The following IQGAP2 variants were observed in gnomAD, a reference collection of about 807,000 sequenced individuals.
IQGAP2 encodes the protein ras GTPase-activating-like protein IQGAP2.
A neutral mutation model predicts 201.3 loss-of-function variants in IQGAP2; 173 were observed. The ratio of observed to expected loss-of-function variants is 0.86; its 90% CI spans 0.76 to 0.98. The LOEUF is 0.98. Ranked by LOEUF, IQGAP2 falls within the 50% of genes least tolerant of loss-of-function variation. The probability of loss-of-function intolerance (pLI) is 0.00; values close to 1 mark genes in which losing one functional copy is unlikely to be tolerated. For missense variants in IQGAP2, 1,687 were observed against 1,864.8 expected, an observed-to-expected ratio of 0.90 and a Z score of 1.76; for synonymous variants, 675 against 673.9, an observed-to-expected ratio of 1.00 and a Z score of -0.03.
chr5:76,558,106 G>C (rs898997444), intron 2 of IQGAP2, among the ~76,000 whole-genome samples: 1 of 152,076 alleles, frequency 6.6e-6, no homozygotes, highest in Non-Finnish European at 1.5e-5. Context: ...TGCCCGGCCT[G>C]GTATCAGTGT....
intron 33 of IQGAP2, among the ~76,000 whole-genome samples, chr5:76,698,379 A>G (rs554828411): frequency 6.6e-6 from 1 of 152,362 alleles, no homozygotes; most frequent in East Asian, 1.9e-4. Context: ...TACCTGTTGT[A>G]TATTGAGCAA....
chr5:76,686,703 G>GT (rs1561593320), intron 30 of IQGAP2, among the ~76,000 whole-genome samples: 1 of 152,074 alleles, frequency 6.6e-6, no homozygotes, highest in African/African-American at 2.4e-5. Flanking sequence ...TAGAGACGGA[G>GT]TTTCATCATG....
chr5:76,547,441 T>C, intron 2 of IQGAP2: 4 of 981,452 alleles, frequency 4.1e-6, no homozygotes, highest in Non-Finnish European at 4.8e-6. Flanking sequence ...GAAGGAGTTG[T>C]GGCAATTTAA....
chr5:76,547,124 T>C (rs556377724), intron 2 of IQGAP2, among the ~76,000 whole-genome samples: 1 of 152,344 alleles, frequency 6.6e-6, no homozygotes, highest in South Asian at 2.1e-4. Flanking sequence ...GTGCTATTAC[T>C]TCACACTACC....
chr5:76,625,309 G>A (rs1750122167), intron 13 of IQGAP2, among the ~76,000 whole-genome samples: 1 of 152,212 alleles, frequency 6.6e-6, no homozygotes, highest in Non-Finnish European at 1.5e-5. Context: ...GATAAGTTAT[G>A]AAGGAAGGCA....
intron 2 of IQGAP2, among the ~76,000 whole-genome samples, chr5:76,535,206 G>A (rs1241059434): frequency 2.0e-5 from 3 of 152,100 alleles, no homozygotes; most frequent in Non-Finnish European, 2.9e-5. Flanking sequence ...AGATGAGAAC[G>A]TTGGCTGTGT....
intron 31 of IQGAP2, 90 bp downstream of exon 31, chr5:76,693,532 C>G: frequency 3.5e-6 from 3 of 848,444 alleles, no homozygotes; most frequent in Non-Finnish European, 5.8e-6. Context: ...CTCAGAGAAA[C>G]TGTATCTGAC....
Position 76,469,694 on chromosome 5 carries a change from G to T in IQGAP2, c.146+8025G>T, listed in dbSNP as rs938015073. Among the ~76,000 whole-genome samples, 81 of 151,996 alleles carry T rather than the reference G, an allele frequency of 5.3e-4. 1 individual carries two copies. The highest frequency in any genetic ancestry group is 4.4e-4 in the Non-Finnish European group (30 of 67,962). ...GCTGGGATTACAGGCATGAGCCACC[G>T]CTCCTGGCCTCAAAAAACTAATATT... is the stretch of plus-strand genomic sequence containing the variant. On this transcript the variant is annotated intron_variant, in intron 2 of 35. Transcript: ENST00000274364.
At chr5:76,494,977 A>G (rs879129254) in intron 2 of IQGAP2, among the ~76,000 whole-genome samples, 1 of 152,170 alleles carries the variant, frequency 6.6e-6, no homozygotes, top group Admixed American at 6.5e-5. Flanking sequence ...TTTTCTTTTC[A>G]TTACATAACC....
intron 2 of IQGAP2, among the ~76,000 whole-genome samples, chr5:76,527,356 AG>A (rs1480909228): frequency 6.6e-6 from 1 of 152,212 alleles, no homozygotes; most frequent in Admixed American, 6.5e-5. Context: ...GAGCTGCTTA[AG>A]GACCTGAATG....
chr5:76,587,416 T>C (rs1746325792), intron 5 of IQGAP2, among the ~76,000 whole-genome samples: 1 of 152,208 alleles, frequency 6.6e-6, no homozygotes, highest in South Asian at 2.1e-4. Context: ...CCATAGTTAT[T>C]AATTAATAAC....
intron 2 of IQGAP2, among the ~76,000 whole-genome samples, chr5:76,496,757 C>CTCTTTCTTTCTTTCT (rs1756975423): frequency 1.3e-5 from 1 of 79,268 alleles, no homozygotes; most frequent in Non-Finnish European, 2.5e-5. Context: ...TTCTTTCTTT[C>CTCTTTCTTTCTTTCT]TTTCTTTCTT....
At chr5:76,406,563 T>G (rs570584210) in intron 1 of IQGAP2, among the ~76,000 whole-genome samples, 1 of 152,362 alleles carries the variant, frequency 6.6e-6, no homozygotes, top group Non-Finnish European at 1.5e-5. Flanking sequence ...AAGATGACAC[T>G]TACGCTTAGG....
intron 2 of IQGAP2, among the ~76,000 whole-genome samples, chr5:76,513,704 A>T (rs951214255): frequency 6.6e-5 from 10 of 152,342 alleles, no homozygotes; most frequent in African/African-American, 2.4e-4. Context: ...CCAAGGGCTA[A>T]GGGGAGGGAG....
rs754960355 is a variant in IQGAP2, at chr5:76,611,088, T to G, written c.1426T>G (p.Leu476Val). 7 of 1,613,814 alleles carry G rather than the reference T, an allele frequency of 4.3e-6. No individual in the cohort carries two copies. Among genetic ancestry groups the G allele is most frequent in the Non-Finnish European group, 5.9e-6 (7 of 1,179,848 alleles). The change falls in exon 13 of 36, where the codon TTG becomes GTG. Residue 476 changes from leucine to valine, a missense_variant. Coordinates refer to ENST00000274364, the MANE Select transcript of IQGAP2 (RefSeq NM_006633.5). ...GAATCCTTTGAGGACTTTAGAAACTTTGCTCCTACCTACTGCGAATATTAG... is the reference window on the plus strand; with the variant it reads ...GAATCCTTTGAGGACTTTAGAAACTGTGCTCCTACCTACTGCGAATATTAG... Reference protein sequence around the residue: ...EGNPLRTLETLLLPTANISDV... With the variant: ...EGNPLRTLETVLLPTANISDV...
chr5:76,622,501 G>C (rs1365697031), intron 13 of IQGAP2, among the ~76,000 whole-genome samples: 1 of 152,152 alleles, frequency 6.6e-6, no homozygotes, highest in Non-Finnish European at 1.5e-5. Flanking sequence ...ACCTAACAAA[G>C]AGTAACAGGT....
At chr5:76,662,270 C>T (rs1743323714) in intron 21 of IQGAP2, among the ~76,000 whole-genome samples, 1 of 152,232 alleles carries the variant, frequency 6.6e-6, no homozygotes, top group African/African-American at 2.4e-5. Context: ...CGTCCTCTCT[C>T]TTCCCCTTTC....
intron 1 of IQGAP2, among the ~76,000 whole-genome samples, chr5:76,410,424 A>AACTTTTCATT (rs1370417287): frequency 6.6e-6 from 1 of 151,790 alleles, no homozygotes; most frequent in East Asian, 1.9e-4. Context: ...AAACACCCCA[A>AACTTTTCATT]ACTTTTCATT....
At chr5:76,612,951 T>A (rs1021335932) in intron 13 of IQGAP2, among the ~76,000 whole-genome samples, 4 of 152,174 alleles carry the variant, frequency 2.6e-5, no homozygotes, top group African/African-American at 9.7e-5. Flanking sequence ...CCAATGTAAA[T>A]CCTATCCTCA....
Sources: allele counts gnomAD v4.1 joint callset (sites outside exome capture counted in the v4.1 genomes callset), GRCh38; gene constraint gnomAD v4.1.1; transcripts MANE v1.5; gene names NCBI Gene and HGNC (gene_info 2026-07-23, HGNC 2026-07-21).